The following CACNA2D3 variants were observed in gnomAD, a reference collection of about 807,000 sequenced individuals.
CACNA2D3 encodes the protein voltage-dependent calcium channel subunit alpha-2/delta-3.
CACNA2D3 carries 60 observed loss-of-function variants against 160.6 expected under a neutral mutation model. The observed-to-expected ratio is 0.37, with a 90% CI of 0.30 to 0.46. The LOEUF (loss-of-function observed/expected upper bound fraction) is 0.46, where lower values mean the gene tolerates loss of function less well. CACNA2D3 is among the 20% of genes least tolerant of loss of function. The pLI is 1.00. For synonymous variants in CACNA2D3, 558 were observed against 492.9 expected (o/e 1.13, Z -1.75); for missense variants, 1,205 against 1,365.0 (o/e 0.88, Z 1.85).
At chr3:54,702,518 C>A (rs1315998641) in intron 11 of CACNA2D3, among the ~76,000 whole-genome samples, 1 of 152,082 alleles carries the variant, frequency 6.6e-6, no homozygotes, top group Non-Finnish European at 1.5e-5. Flanking sequence ...CTAATGATTA[C>A]AGAAATGTAA....
rs1700239471 is a variant in CACNA2D3, at chr3:54,898,167, T to TC, written c.2368+1297_2368+1298insC. Reference sequence around the variant, plus strand: ...TTCTTTCTTTCTTTCTTTATCTTTCTTTTCTTTTCTTTTCTTTTCTTTTCT... The same window carrying TC: ...TTCTTTCTTTCTTTCTTTATCTTTCTCTTTCTTTTCTTTTCTTTTCTTTTCT... On this transcript the variant is annotated intron_variant, in intron 26 of 37. Transcript: ENST00000474759. 3.1e-4 allele frequency among the ~76,000 whole-genome samples: 3 copies of TC among 9,760 alleles called. No individual in the cohort carries two copies. In the African/African-American group the frequency reaches 4.1e-3, roughly 13 times the overall value. 6.4% of individuals were successfully genotyped at this position (9,760 alleles called of 152,430 possible).
At chr3:54,237,742 A>T (rs923219744) in intron 2 of CACNA2D3, among the ~76,000 whole-genome samples, 1 of 152,228 alleles carries the variant, frequency 6.6e-6, no homozygotes. Context: ...GCACCTAAGC[A>T]TGCTGACTCT....
intron 10 of CACNA2D3, among the ~76,000 whole-genome samples, chr3:54,630,552 C>G (rs1329117376): frequency 6.6e-6 from 1 of 152,220 alleles, no homozygotes; most frequent in African/African-American, 2.4e-5. Context: ...CTGCAGTGAA[C>G]AAACCTTTAA....
At chr3:54,885,642 C>A in intron 23 of CACNA2D3, 56 bp downstream of exon 23, 1 of 1,378,372 alleles carries the variant, frequency 7.3e-7, no homozygotes, top group Non-Finnish European at 1.0e-6. Flanking sequence ...GGGGAATGAA[C>A]TCAAAACATT....
chr3:54,435,925 T>C (rs551766807), intron 4 of CACNA2D3, among the ~76,000 whole-genome samples: 49 of 151,898 alleles, frequency 3.2e-4, no homozygotes, highest in African/African-American at 9.2e-4. Flanking sequence ...AAATGAAAAA[T>C]ACAGTCACCA....
intron 13 of CACNA2D3, among the ~76,000 whole-genome samples, chr3:54,788,555 A>G (rs1349180091): frequency 6.6e-6 from 1 of 152,184 alleles, no homozygotes; most frequent in Non-Finnish European, 1.5e-5. Flanking sequence ...ATACTGAGGA[A>G]CTGACCTTTG....
chr3:54,197,547 C>G (rs1701103921), intron 2 of CACNA2D3: 1 of 152,170 alleles, frequency 6.6e-6, no homozygotes, highest in Admixed American at 6.5e-5. Flanking sequence ...TCTTCTTTCT[C>G]TGGTTTGGTA....
intron 2 of CACNA2D3, among the ~76,000 whole-genome samples, chr3:54,140,491 C>T (rs892644927): frequency 5.9e-5 from 9 of 152,322 alleles, no homozygotes; most frequent in Admixed American, 5.9e-4. Flanking sequence ...CATGCCACTC[C>T]CAAATTTCCT....
At chr3:54,878,907 T>G (rs913220327) in intron 18 of CACNA2D3, 111 bp from the exon 19 acceptor site, 11 of 575,916 alleles carry the variant, frequency 1.9e-5, no homozygotes, top group Middle Eastern at 2.6e-4. Flanking sequence ...AAGCTCTGTT[T>G]TCGAGGTGTA....
intron 29 of CACNA2D3, among the ~76,000 whole-genome samples, chr3:54,970,441 TC>T (rs1237373717): frequency 4.5e-4 from 42 of 94,102 alleles, no homozygotes; most frequent in African/African-American, 1.5e-3. Context: ...TCTCCTCCCC[TC>T]CCCTCCCCTC....
At chr3:54,900,154 G>A (rs1286734444) in intron 27 of CACNA2D3, among the ~76,000 whole-genome samples, 1 of 152,168 alleles carries the variant, frequency 6.6e-6, no homozygotes, top group Admixed American at 6.5e-5. Context: ...TTGATGGTAG[G>A]TAGCATGTTC....
intron 27 of CACNA2D3, among the ~76,000 whole-genome samples, chr3:54,965,455 C>T (rs1702126651): frequency 6.6e-6 from 1 of 152,162 alleles, no homozygotes; most frequent in South Asian, 2.1e-4. Flanking sequence ...CTCCATGCCT[C>T]ACCTTACACA....
intron 27 of CACNA2D3, among the ~76,000 whole-genome samples, chr3:54,950,558 T>A (rs1701732956): frequency 6.6e-6 from 1 of 152,212 alleles, no homozygotes; most frequent in Non-Finnish European, 1.5e-5. Context: ...TTTCCCAGCC[T>A]ACCAGCAATT....
At chr3:54,319,279 A>G (rs1168795808) in intron 2 of CACNA2D3, among the ~76,000 whole-genome samples, 2 of 152,100 alleles carry the variant, frequency 1.3e-5, no homozygotes, top group East Asian at 3.9e-4. Flanking sequence ...GAATGGAGAG[A>G]AAATGTAGAT....
chr3:54,924,626 G>C (rs757183859), intron 27 of CACNA2D3: 19 of 1,613,042 alleles, frequency 1.2e-5, no homozygotes, highest in Admixed American at 8.3e-5. Flanking sequence ...GACCTTTATA[G>C]ACAAATTTCT....
At chr3:54,417,158 A>G (rs560467242) in intron 4 of CACNA2D3, among the ~76,000 whole-genome samples, 6 of 152,344 alleles carry the variant, frequency 3.9e-5, no homozygotes, top group African/African-American at 1.2e-4. Flanking sequence ...TTCTAACGTT[A>G]TCATCTTGGA....
chr3:54,654,902 C>A (rs1307038540), intron 11 of CACNA2D3, among the ~76,000 whole-genome samples: 1 of 152,188 alleles, frequency 6.6e-6, no homozygotes, highest in Non-Finnish European at 1.5e-5. Context: ...GATCCCTCTC[C>A]CTCCTCCATG....
chr3:54,323,762 G>A (rs1259549940), intron 3 of CACNA2D3, among the ~76,000 whole-genome samples: 1 of 152,086 alleles, frequency 6.6e-6, no homozygotes, highest in Non-Finnish European at 1.5e-5. Flanking sequence ...CACCGTGCTG[G>A]GCCCCCACCC....
At position 54,885,278 on chromosome 3, in the gene CACNA2D3, C is replaced by T; in HGVS notation, c.1913-3C>T. The T allele has an allele frequency of 6.2e-7, 1 of 1,613,846 alleles. No homozygotes were observed. Among genetic ancestry groups the T allele is most frequent in the Non-Finnish European group, 8.5e-7 (1 of 1,179,788 alleles). On this transcript the variant is annotated splice_polypyrimidine_tract_variant and splice_region_variant and intron_variant, in intron 21 of 37. Transcript: ENST00000474759. ...TCATGAACCCCTTCTCCTTGACCCCCAGGCCTGCATGACTTAGAACATCCC... is the reference window on the plus strand; with the variant it reads ...TCATGAACCCCTTCTCCTTGACCCCTAGGCCTGCATGACTTAGAACATCCC...
Sources: allele counts gnomAD v4.1 joint callset (sites outside exome capture counted in the v4.1 genomes callset), GRCh38; gene constraint gnomAD v4.1.1; transcripts MANE v1.5; gene names NCBI Gene and HGNC (gene_info 2026-07-23, HGNC 2026-07-21).